RYR3: variants seen among roughly 807,000 people sequenced by gnomAD.
RYR3 encodes brain ryanodine receptor-calcium release channel.
In RYR3, 207 loss-of-function variants were observed where a neutral mutation model predicts 584.3. That is an observed-to-expected ratio of 0.35 (90% confidence interval 0.32 to 0.40). The LOEUF is 0.40. RYR3 is among the 10% of genes least tolerant of loss of function. The pLI is 1.00. For missense variants in RYR3, 5,616 were observed against 6,089.2 expected (o/e 0.92, Z 2.59); for synonymous variants, 2,416 against 2,248.5 (o/e 1.07, Z -2.11).
chr15:33,410,168 C>T (rs934652359), intron 1 of RYR3, among the ~76,000 whole-genome samples: 1 of 152,142 alleles, frequency 6.6e-6, no homozygotes, highest in African/African-American at 2.4e-5. Flanking sequence ...CCATCTAATG[C>T]CACCGCCTGG....
chr15:33,319,208 G>A (rs1428512518), intron 1 of RYR3, among the ~76,000 whole-genome samples: 2 of 150,086 alleles, frequency 1.3e-5, no homozygotes, highest in African/African-American at 5.1e-5. Context: ...CACAGTGTGA[G>A]AAGAGAAGTA....
chr15:33,750,588 G>A (rs2071184491), intron 57 of RYR3, among the ~76,000 whole-genome samples: 2 of 152,088 alleles, frequency 1.3e-5, no homozygotes, highest in African/African-American at 4.8e-5. Flanking sequence ...ATGGGCTAAG[G>A]CCCTTTCTTT....
intron 2 of RYR3, among the ~76,000 whole-genome samples, chr15:33,489,331 GT>G (rs1374930038): frequency 6.6e-6 from 1 of 152,134 alleles, no homozygotes; most frequent in Admixed American, 6.5e-5. Flanking sequence ...GTGCCCAGTA[GT>G]TATTTTTTCT....
At chr15:33,725,184 C>CACACACACACACATATATAT (rs1567031110) in intron 45 of RYR3, among the ~76,000 whole-genome samples, 3 of 147,614 alleles carry the variant, frequency 2.0e-5, no homozygotes, top group Non-Finnish European at 4.6e-5. Context: ...CACACACACA[C>CACACACACACACATATATAT]ACACACACAC....
chr15:33,641,296 G>A (rs1285406731), intron 27 of RYR3, among the ~76,000 whole-genome samples: 1 of 152,170 alleles, frequency 6.6e-6, no homozygotes, highest in Non-Finnish European at 1.5e-5. Flanking sequence ...CAGATGTTGA[G>A]CCCCAGTCCA....
intron 3 of RYR3, among the ~76,000 whole-genome samples, chr15:33,529,494 C>T (rs531492359): frequency 1.5e-4 from 23 of 152,248 alleles, no homozygotes; most frequent in Non-Finnish European, 2.4e-4. Context: ...TCAAACCAGT[C>T]CTTGGGCTGC....
intron 91 of RYR3, among the ~76,000 whole-genome samples, chr15:33,843,189 G>A (rs1232778681): frequency 2.6e-5 from 4 of 152,016 alleles, no homozygotes; most frequent in South Asian, 2.1e-4. Context: ...GTGTGTTGGC[G>A]GGCGCCTGTA....
rs1890128424 is a variant in RYR3, at chr15:33,865,292, A to G, written c.*66A>G. On this transcript the variant is annotated 3_prime_UTR_variant, in exon 104 of 104. Coordinates refer to ENST00000634891, the MANE Select transcript of RYR3 (RefSeq NM_001036.6). ...TCCCATGAAATAAAGTCCCCTTTTTACAGTTCTGCAACATATCTGAAATGT... is the reference window on the plus strand; with the variant it reads ...TCCCATGAAATAAAGTCCCCTTTTTGCAGTTCTGCAACATATCTGAAATGT... 1 of 1,126,166 alleles carries G rather than the reference A, an allele frequency of 8.9e-7. No homozygotes were observed. The highest frequency in any genetic ancestry group is 1.3e-6 in the Non-Finnish European group (1 of 754,168). 69.8% of individuals were successfully genotyped at this position (1,126,166 alleles called of 1,614,324 possible).
At chr15:33,625,029 C>A (rs977834232) in intron 20 of RYR3, among the ~76,000 whole-genome samples, 11 of 152,260 alleles carry the variant, frequency 7.2e-5, no homozygotes, top group African/African-American at 2.6e-4. Flanking sequence ...TAAAGAACTA[C>A]CTGAGACTGG....
chr15:33,696,646 C>T (rs969290420), intron 39 of RYR3, among the ~76,000 whole-genome samples, 155 bp downstream of exon 39: 1 of 152,166 alleles, frequency 6.6e-6, no homozygotes, highest in African/African-American at 2.4e-5. Context: ...TCCTTTGCAA[C>T]CTGAGAGACC....
chr15:33,535,959 C>G (rs116131393), intron 5 of RYR3, among the ~76,000 whole-genome samples: 5 of 152,158 alleles, frequency 3.3e-5, no homozygotes, highest in African/African-American at 9.7e-5. Context: ...AACTAACTTA[C>G]GTTTGTTTTG....
chr15:33,501,164 G>A (rs183071450), intron 2 of RYR3, among the ~76,000 whole-genome samples: 62 of 152,284 alleles, frequency 4.1e-4, no homozygotes, highest in African/African-American at 1.5e-3. Flanking sequence ...ATTCAAACCA[G>A]TAATGAAATT....
chr15:33,725,178 C>CACACATAT (rs1555426978), intron 45 of RYR3, among the ~76,000 whole-genome samples: 1 of 120,840 alleles, frequency 8.3e-6, no homozygotes, highest in Admixed American at 7.8e-5. Flanking sequence ...CACACACACA[C>CACACATAT]ACACACACAC....
intron 1 of RYR3, among the ~76,000 whole-genome samples, chr15:33,317,515 A>C (rs1463628261): frequency 6.6e-6 from 1 of 152,120 alleles, no homozygotes; most frequent in Non-Finnish European, 1.5e-5. Context: ...ATTTCCAGTC[A>C]CTGCAGTTTC....
intron 2 of RYR3, among the ~76,000 whole-genome samples, chr15:33,475,759 G>T (rs796179218): frequency 5.3e-4 from 80 of 152,302 alleles, no homozygotes; most frequent in African/African-American, 1.9e-3. Flanking sequence ...TGCTTAATGG[G>T]AATTTAATAG....
chr15:33,680,724 G>A (rs1200893383), intron 38 of RYR3, among the ~76,000 whole-genome samples: 1 of 152,218 alleles, frequency 6.6e-6, no homozygotes, highest in Non-Finnish European at 1.5e-5. Context: ...GAGGAGCATA[G>A]GCTGTAAGTT....
intron 80 of RYR3, among the ~76,000 whole-genome samples, chr15:33,822,492 T>C (rs1316472381): frequency 6.6e-6 from 1 of 152,256 alleles, no homozygotes; most frequent in Non-Finnish European, 1.5e-5. Flanking sequence ...TCTGTTCCCT[T>C]CTACCACCTA....
At chr15:33,319,847 A>G (rs990219027) in intron 1 of RYR3, among the ~76,000 whole-genome samples, 1 of 152,188 alleles carries the variant, frequency 6.6e-6, no homozygotes, top group African/African-American at 2.4e-5. Context: ...AGCCTAAAGT[A>G]TGAGCCATAC....
chr15:33,360,410 A>G (rs961439034), intron 1 of RYR3, among the ~76,000 whole-genome samples: 2 of 152,170 alleles, frequency 1.3e-5, no homozygotes, highest in Non-Finnish European at 2.9e-5. Context: ...TTTTCTCAGC[A>G]TAATGTTTTT....
Sources: gnomAD v4.1 joint callset for allele counts (sites outside exome capture counted in the v4.1 genomes callset) on GRCh38, gnomAD v4.1.1 for gene constraint, MANE v1.5 for transcripts, NCBI Gene and HGNC (gene_info 2026-07-23, HGNC 2026-07-21) for gene names.